The following CCDC195 variants were observed in gnomAD, a reference collection of about 807,000 sequenced individuals.
CCDC195 encodes the protein coiled-coil domain-containing protein 195.
At position 224,708,011 on chromosome 2, in the gene CCDC195, T is replaced by TCTTCCTTC. The variant is rs58888531; in HGVS notation, c.482+1954_482+1961dup. ...CCCTCCCTCCCTCCCTTCCTTCCTT[T>TCTTCCTTC]CTTCCTTCCTTCCTTCCTTCCTTCT... On this transcript the variant is annotated intron_variant, in intron 2 of 2. Transcript: ENST00000638102. Among the ~76,000 whole-genome samples the TCTTCCTTC allele has an allele frequency of 8.7e-3, 736 of 84,796 alleles. 17 individuals are homozygous for TCTTCCTTC. Among genetic ancestry groups the TCTTCCTTC allele is most frequent in the African/African-American group, 0.032 (593 of 18,814 alleles). The allele number at this position is 84,796 out of a possible 152,430, so 55.6% of individuals were successfully genotyped here.
chr2:224,707,603 A>G (rs1046777822), intron 2 of CCDC195, among the ~76,000 whole-genome samples: 1 of 152,238 alleles, frequency 6.6e-6, no homozygotes, highest in Non-Finnish European at 1.5e-5. Flanking sequence ...ACCGTCTAAC[A>G]TAATATACAC....
intron 1 of CCDC195, among the ~76,000 whole-genome samples, chr2:224,712,517 G>A (rs1689328116): frequency 6.6e-6 from 1 of 152,162 alleles, no homozygotes; most frequent in Non-Finnish European, 1.5e-5. Flanking sequence ...ACACAGCTGT[G>A]TCTGGGCTGT....
intron 2 of CCDC195, among the ~76,000 whole-genome samples, chr2:224,705,228 G>A (rs1033963253): frequency 2.0e-5 from 3 of 152,122 alleles, no homozygotes; most frequent in Admixed American, 1.3e-4. Flanking sequence ...GAAAAGGAGA[G>A]AATATATTTA....
intron 1 of CCDC195, among the ~76,000 whole-genome samples, chr2:224,713,031 G>C (rs1184576241): frequency 6.6e-6 from 1 of 152,088 alleles, no homozygotes; most frequent in Non-Finnish European, 1.5e-5. Context: ...ACCACGCCCA[G>C]CTAATTTTTG....
At chr2:224,708,150 T>C (rs538673443) in intron 2 of CCDC195, among the ~76,000 whole-genome samples, 78 of 152,220 alleles carry the variant, frequency 5.1e-4, no homozygotes, top group African/African-American at 1.8e-3. Context: ...CCACCGCACC[T>C]AGCCACATTT....
At chr2:224,712,807 C>T (rs1689331253) in intron 1 of CCDC195, among the ~76,000 whole-genome samples, 1 of 152,108 alleles carries the variant, frequency 6.6e-6, no homozygotes, top group Non-Finnish European at 1.5e-5. Context: ...CTTATATTTT[C>T]AACTGCAAAT....
At chr2:224,711,320 T>C (rs1285241953) in intron 1 of CCDC195, among the ~76,000 whole-genome samples, 4 of 151,512 alleles carry the variant, frequency 2.6e-5, no homozygotes, top group African/African-American at 9.7e-5. Context: ...TCATAGAGTC[T>C]CCCAATAAAC....
intron 2 of CCDC195, among the ~76,000 whole-genome samples, chr2:224,706,538 G>A (rs1043014008): frequency 7.6e-6 from 1 of 130,872 alleles, no homozygotes; most frequent in African/African-American, 2.9e-5. Flanking sequence ...TTGAGACAGA[G>A]TCTCGCTGTG....
At chr2:224,711,378 T>TA (rs71281765) in intron 1 of CCDC195, among the ~76,000 whole-genome samples, 6 of 150,786 alleles carry the variant, frequency 4.0e-5, no homozygotes, top group South Asian at 2.1e-4. Context: ...TTTTTTTTTT[T>TA]AATAATGAAA....
chr2:224,706,952 C>G (rs1362551877), intron 2 of CCDC195, among the ~76,000 whole-genome samples: 1 of 151,006 alleles, frequency 6.6e-6, no homozygotes, highest in Non-Finnish European at 1.5e-5. Context: ...CATATCTCTG[C>G]CATTCTTCTG....
At chr2:224,705,938 G>C (rs185029945) in intron 2 of CCDC195, among the ~76,000 whole-genome samples, 26 of 152,100 alleles carry the variant, frequency 1.7e-4, no homozygotes, top group Admixed American at 1.4e-3. Context: ...ATGTTGGTTA[G>C]GTTCCCATAC....
chr2:224,710,777 G>A (rs1020375080), intron 1 of CCDC195, among the ~76,000 whole-genome samples: 3 of 152,208 alleles, frequency 2.0e-5, no homozygotes, highest in African/African-American at 7.2e-5. Flanking sequence ...ACCTTCTTAT[G>A]TGGAAGACAG....
At chr2:224,703,790 T>C (rs1296305341) in exon 3 of CCDC195, 4 of 398,476 alleles carry the variant, frequency 1.0e-5, no homozygotes, top group East Asian at 7.1e-5. Flanking sequence ...CTTAGCTGGT[T>C]TGTGGCCTGA....
Position 224,716,143 on chromosome 2 carries a change from G to A in CCDC195, c.223C>T (p.Gln75Ter), listed in dbSNP as rs137940172. 63 of 398,730 alleles carry A rather than the reference G, an allele frequency of 1.6e-4. No individual in the cohort carries two copies. In the East Asian group the frequency reaches 2.2e-3, roughly 14 times the overall value. 24.7% of individuals were successfully genotyped at this position (398,730 alleles called of 1,614,324 possible). ...AATGTTTGGGTACCTTGGTGTTCCT[G>A]CACTGCTGGTGCTGCATCAGTGGAA... is the stretch of plus-strand genomic sequence containing the variant. Residue 75 changes from glutamine to a stop codon, truncating the protein, a stop_gained, in exon 1 of 3, where the codon CAG becomes TAG. Coordinates refer to ENST00000638102, the Ensembl canonical transcript of CCDC195. LOFTEE classifies it high-confidence loss of function.
intron 1 of CCDC195, among the ~76,000 whole-genome samples, chr2:224,711,255 A>G (rs1689315216): frequency 6.6e-6 from 1 of 152,156 alleles, no homozygotes; most frequent in Non-Finnish European, 1.5e-5. Flanking sequence ...AGCCCCTGAA[A>G]GAGATGGAGA....
chr2:224,713,437 T>C (rs115516595), intron 1 of CCDC195, among the ~76,000 whole-genome samples: 1,612 of 152,240 alleles, frequency 0.011, 28 homozygotes, highest in African/African-American at 0.037. Flanking sequence ...AGAGTGATCA[T>C]AAAAAGCTCT....
intron 2 of CCDC195, among the ~76,000 whole-genome samples, chr2:224,709,325 G>C (rs1249182376): frequency 6.6e-6 from 1 of 152,074 alleles, no homozygotes; most frequent in Non-Finnish European, 1.5e-5. Flanking sequence ...CTGACCTCAA[G>C]TGATCCAGCC....
chr2:224,712,265 G>T (rs1316718270), intron 1 of CCDC195, among the ~76,000 whole-genome samples: 2 of 152,230 alleles, frequency 1.3e-5, no homozygotes, highest in Non-Finnish European at 2.9e-5. Context: ...TGCCAGCAAA[G>T]GATGTGAGCA....
Position 224,712,952 on chromosome 2 carries a change from T to G in CCDC195, c.236-2733A>C, listed in dbSNP as rs144423070. The stretch of plus-strand genomic sequence containing the variant: ...GGTGCAATCTCAGCTCACTGCAACT[T>G]CCGCCTCCCGGGTTCAAGCGGTTCT... On this transcript the variant is annotated intron_variant, in intron 1 of 2. Transcript: ENST00000638102. Among the ~76,000 whole-genome samples the G allele has an allele frequency of 7.9e-3, 1,208 of 152,072 alleles. 6 individuals carry two copies. Among genetic ancestry groups the G allele is most frequent in the Non-Finnish European group, 0.011 (771 of 67,982 alleles).
Sources: gnomAD v4.1 joint callset for allele counts (sites outside exome capture counted in the v4.1 genomes callset) on GRCh38, gnomAD v4.1.1 for gene constraint, MANE v1.5 for transcripts, NCBI Gene and HGNC (gene_info 2026-07-23, HGNC 2026-07-21) for gene names.